Variants in PCDHA7 observed in about 807,000 individuals in gnomAD.
PCDHA7 encodes the protein protocadherin alpha-7.
PCDHA7 carries 37 observed loss-of-function variants against 57.2 expected under a neutral mutation model. The ratio of observed to expected loss-of-function variants is 0.65; its 90% CI spans 0.50 to 0.85. The LOEUF is 0.85. Ranked by LOEUF, PCDHA7 falls within the 40% of genes least tolerant of loss-of-function variation. PCDHA7 has a pLI of 0.00. For missense variants in PCDHA7, 1,188 were observed against 1,241.8 expected, an observed-to-expected ratio of 0.96 and a Z score of 0.65; for synonymous variants, 553 against 558.8, an observed-to-expected ratio of 0.99 and a Z score of 0.15.
intron 1 of PCDHA7, among the ~76,000 whole-genome samples, chr5:140,951,776 T>C (rs1301757181): frequency 2.6e-5 from 4 of 152,140 alleles, no homozygotes; most frequent in East Asian, 1.9e-4. Context: ...CGTTCTTACA[T>C]TGCAAAATAC....
intron 1 of PCDHA7, among the ~76,000 whole-genome samples, chr5:140,892,933 T>C (rs1323780846): frequency 6.6e-6 from 1 of 152,210 alleles, no homozygotes; most frequent in Non-Finnish European, 1.5e-5. Context: ...CAGCCTCTGA[T>C]AAGCACAATA....
intron 1 of PCDHA7, among the ~76,000 whole-genome samples, chr5:140,959,712 T>A (rs166567): frequency 0.25 from 37,822 of 152,086 alleles, 5,932 homozygotes; most frequent in African/African-American, 0.45. Flanking sequence ...AAAGGGAAAA[T>A]TTTTAGATAA....
chr5:140,923,986 G>A (rs1482099424), intron 1 of PCDHA7, among the ~76,000 whole-genome samples: 2 of 152,074 alleles, frequency 1.3e-5, no homozygotes, highest in African/African-American at 2.4e-5. Flanking sequence ...ATCCCTCTAG[G>A]TGCAGCTCAG....
chr5:140,883,679 G>T (rs781987468), intron 1 of PCDHA7: 1 of 1,613,678 alleles, frequency 6.2e-7, no homozygotes, highest in Non-Finnish European at 8.5e-7. Flanking sequence ...CAATCCGCCG[G>T]GCTGCCACAT....
intron 1 of PCDHA7, among the ~76,000 whole-genome samples, chr5:140,925,455 T>C (rs1367623051): frequency 6.6e-6 from 1 of 152,106 alleles, no homozygotes; most frequent in Non-Finnish European, 1.5e-5. Flanking sequence ...GGTGTATCTG[T>C]TGTGGCTCAG....
intron 1 of PCDHA7, chr5:140,851,797 G>A (rs1349130494): frequency 3.1e-6 from 3 of 953,270 alleles, no homozygotes; most frequent in Non-Finnish European, 2.5e-6. Flanking sequence ...CACTTGTTCT[G>A]TCAGTAATCC....
At chr5:140,973,276 C>G (rs1416819589) in intron 1 of PCDHA7, among the ~76,000 whole-genome samples, 1 of 152,132 alleles carries the variant, frequency 6.6e-6, no homozygotes, top group African/African-American at 2.4e-5. Context: ...TTTATTTCCC[C>G]CAGCACTGAT....
intron 1 of PCDHA7, among the ~76,000 whole-genome samples, chr5:140,919,331 A>G (rs2079089725): frequency 6.6e-6 from 1 of 152,026 alleles, no homozygotes; most frequent in Non-Finnish European, 1.5e-5. Context: ...TTTACTTTCA[A>G]TCTGTTTGTA....
At chr5:140,993,720 T>C (rs1201014213) in intron 3 of PCDHA7, among the ~76,000 whole-genome samples, 2 of 152,172 alleles carry the variant, frequency 1.3e-5, no homozygotes, top group Non-Finnish European at 2.9e-5. Context: ...TTACTGTACC[T>C]TTTCTATGTT....
At chr5:140,963,705 C>T (rs1351751729) in intron 1 of PCDHA7, among the ~76,000 whole-genome samples, 1 of 152,130 alleles carries the variant, frequency 6.6e-6, no homozygotes, top group Non-Finnish European at 1.5e-5. Flanking sequence ...ATCTAAAGGG[C>T]CATGCTACAT....
rs1277390291 is a variant in PCDHA7 at position 140,926,661 on chromosome 5, A to T, written c.2356-52288A>T. 7.5e-6 allele frequency: 4 copies of T among 536,378 alleles called. No homozygotes were observed. In the African/African-American group the frequency reaches 7.9e-5, roughly 11 times the overall value. The allele number at this position is 536,378 out of a possible 1,614,324, so 33.2% of individuals were successfully genotyped here. A position where few individuals can be genotyped will look rare whatever the true frequency, so the allele number is the denominator to read the frequency against. On this transcript the variant is annotated intron_variant, in intron 1 of 3. Coordinates refer to ENST00000525929, the MANE Select transcript of PCDHA7 (RefSeq NM_018910.3). ...AACACCCGGCCGGCTCCGCTTTCCC[A>T]GACGGCTGCCCAGCCTCCAGCCTAG...
At chr5:140,946,506 A>G (rs1231345135) in intron 1 of PCDHA7, among the ~76,000 whole-genome samples, 1 of 151,616 alleles carries the variant, frequency 6.6e-6, no homozygotes, top group Non-Finnish European at 1.5e-5. Context: ...CAGTATGTCA[A>G]AGACCTATCC....
At chr5:140,870,461 C>G in intron 1 of PCDHA7, 2 of 1,614,246 alleles carry the variant, frequency 1.2e-6, no homozygotes, top group Admixed American at 3.3e-5. Context: ...AATGCGCCTG[C>G]GTTCGCACAG....
chr5:140,960,575 A>G (rs990834964), intron 1 of PCDHA7, among the ~76,000 whole-genome samples: 4 of 152,186 alleles, frequency 2.6e-5, no homozygotes, highest in Non-Finnish European at 2.9e-5. Flanking sequence ...AAACAGTTGG[A>G]AAACAGTTCA....
chr5:140,888,754 C>CT lies in PCDHA7; in HGVS notation c.2355+52026dup, dbSNP rs782694187. Reference sequence around the variant, plus strand: ...TGAGCTCTAGGAATTATTCTACCCACTTTTTTTTTTAATTTTGAAGGGATA... The same window carrying CT: ...TGAGCTCTAGGAATTATTCTACCCACTTTTTTTTTTTAATTTTGAAGGGATA... On this transcript the variant is annotated intron_variant, in intron 1 of 3. Transcript: ENST00000525929. 7.0e-3 allele frequency among the ~76,000 whole-genome samples: 1,040 copies of CT among 148,666 alleles called. 3 individuals are homozygous for CT. The highest frequency in any genetic ancestry group is 0.038 in the Middle Eastern group (11 of 290).
chr5:141,005,118 C>T (rs546410334), intron 3 of PCDHA7, among the ~76,000 whole-genome samples: 1 of 152,198 alleles, frequency 6.6e-6, no homozygotes, highest in South Asian at 2.1e-4. Flanking sequence ...CTTTAGGGAC[C>T]CCAAAAGTGC....
At position 140,876,190 on chromosome 5, in the gene PCDHA7, C is replaced by T. The variant is rs782463342; in HGVS notation, c.2355+39452C>T. Reference sequence around the variant, plus strand: ...CGTCCTGGATGTGAATGACAATGGTCCGGCGTTTGATAAGCCCAGCTATAA... The same window carrying T: ...CGTCCTGGATGTGAATGACAATGGTTCGGCGTTTGATAAGCCCAGCTATAA... On this transcript the variant is annotated intron_variant, in intron 1 of 3. Coordinates refer to ENST00000525929, the MANE Select transcript of PCDHA7 (RefSeq NM_018910.3). 3.7e-6 allele frequency: 6 copies of T among 1,613,936 alleles called. No individual in the cohort carries two copies. The Admixed American group carries it at 5.0e-5, about 13-fold the overall frequency.
At chr5:140,958,711 T>C (rs1402769483) in intron 1 of PCDHA7, among the ~76,000 whole-genome samples, 1 of 152,216 alleles carries the variant, frequency 6.6e-6, no homozygotes, top group Non-Finnish European at 1.5e-5. Flanking sequence ...AACTCTGTTA[T>C]AATAAATGTA....
chr5:140,990,198 C>T (rs954813003), intron 3 of PCDHA7, among the ~76,000 whole-genome samples: 5 of 151,968 alleles, frequency 3.3e-5, no homozygotes, highest in South Asian at 2.1e-4. Context: ...AATGTGGACC[C>T]GAAAGAGAAC....
Sources: allele counts gnomAD v4.1 joint callset (sites outside exome capture counted in the v4.1 genomes callset), GRCh38; gene constraint gnomAD v4.1.1; transcripts MANE v1.5; gene names NCBI Gene and HGNC (gene_info 2026-07-23, HGNC 2026-07-21).